CPLX1: variants seen among roughly 807,000 people sequenced by gnomAD.
CPLX1 encodes complexin 1.
Under a neutral mutation model 15.6 loss-of-function variants are expected in CPLX1, and 6 were observed. That is an observed-to-expected ratio of 0.39 (90% confidence interval 0.21 to 0.76). The LOEUF is 0.76. Among genes scored for constraint, CPLX1 ranks in the 30% least tolerant of loss-of-function variants. The pLI is 0.43. For synonymous variants in CPLX1, 91 were observed against 75.2 expected (o/e 1.21, Z -1.08); for missense variants, 242 against 188.6 (o/e 1.28, Z -1.66).
intron 2 of CPLX1, among the ~76,000 whole-genome samples, chr4:800,721 T>A (rs1746435506): frequency 1.8e-5 from 1 of 55,640 alleles, no homozygotes; most frequent in Non-Finnish European, 3.4e-5. Flanking sequence ...ACCCCGTCTC[T>A]ACTAAAAAAA....
chr4:801,426 A>G (rs1157106785), intron 2 of CPLX1, among the ~76,000 whole-genome samples: 1 of 152,248 alleles, frequency 6.6e-6, no homozygotes, highest in Non-Finnish European at 1.5e-5. Flanking sequence ...AAGACATTTC[A>G]CCAAAGAAGA....
At chr4:803,622 T>A (rs1746501266) in intron 2 of CPLX1, among the ~76,000 whole-genome samples, 1 of 150,562 alleles carries the variant, frequency 6.6e-6, no homozygotes, top group African/African-American at 2.4e-5. Flanking sequence ...CCTGACCTCG[T>A]GATCTGCCCG....
rs56378964 is a variant in CPLX1 at position 817,391 on chromosome 4, T to TAA, written c.31+7099_31+7100dup. Among the ~76,000 whole-genome samples the TAA allele has an allele frequency of 6.2e-4, 79 of 126,772 alleles. 1 individual carries two copies. In the South Asian group the frequency reaches 0.019, roughly 30 times the overall value. 83.2% of individuals were successfully genotyped at this position (126,772 alleles called of 152,430 possible). A position where few individuals can be genotyped will look rare whatever the true frequency, so the allele number is the denominator to read the frequency against. ...CAACACAGTGAAACCCCGTCTCTAC[T>TAA]AAAAAAAAAAAAAAAAATTAGCCAG... is the stretch of plus-strand genomic sequence containing the variant. On this transcript the variant is annotated intron_variant, in intron 2 of 3. Transcript: ENST00000304062.
At chr4:790,598 C>T (rs1746140510) in intron 3 of CPLX1, among the ~76,000 whole-genome samples, 1 of 152,158 alleles carries the variant, frequency 6.6e-6, no homozygotes. Flanking sequence ...CCTCTGGGGA[C>T]CCTGAGGAAT....
intron 2 of CPLX1, among the ~76,000 whole-genome samples, chr4:799,692 G>A (rs1338867599): frequency 2.0e-5 from 3 of 152,020 alleles, no homozygotes; most frequent in Non-Finnish European, 2.9e-5. Flanking sequence ...GTGAAACCCC[G>A]TCTCTACTAA....
chr4:808,178 A>G (rs1746592856), intron 2 of CPLX1, among the ~76,000 whole-genome samples: 1 of 152,176 alleles, frequency 6.6e-6, no homozygotes, highest in African/African-American at 2.4e-5. Context: ...CTGAGGCGAG[A>G]GAATTTCTTG....
chr4:825,525 G>A (rs1405401627), intron 1 of CPLX1, among the ~76,000 whole-genome samples: 2 of 151,872 alleles, frequency 1.3e-5, no homozygotes, highest in Non-Finnish European at 2.9e-5. Flanking sequence ...GACCCGCAGG[G>A]CTCCGGCCCC....
chr4:805,538 T>C (rs1413204541), intron 2 of CPLX1, among the ~76,000 whole-genome samples: 1 of 152,256 alleles, frequency 6.6e-6, no homozygotes, highest in Non-Finnish European at 1.5e-5. Flanking sequence ...GTGGAAACAG[T>C]CTGGCTGTTC....
intron 2 of CPLX1, among the ~76,000 whole-genome samples, chr4:804,432 G>A (rs1746516266): frequency 1.3e-5 from 2 of 152,112 alleles, no homozygotes; most frequent in Non-Finnish European, 2.9e-5. Context: ...TTACAATAAT[G>A]AGGAAAACAC....
chr4:793,988 G>A (rs1417279646), intron 2 of CPLX1, among the ~76,000 whole-genome samples: 1 of 152,208 alleles, frequency 6.6e-6, no homozygotes, highest in East Asian at 1.9e-4. Flanking sequence ...CATGTCCCTG[G>A]CGCTCTGGGT....
rs982890927 is a variant in CPLX1, at chr4:797,572, C to T, written c.32-4964G>A. Among the ~76,000 whole-genome samples, 105 of 151,986 alleles carry T rather than the reference C, an allele frequency of 6.9e-4. 1 individual carries two copies. Among genetic ancestry groups the T allele is most frequent in the Non-Finnish European group, 6.3e-4 (43 of 67,966 alleles). ...CGAACTCTTGACCTCCTGATCCACCCGCCTCGGCCTCCCAAAGTGCTGGGA... is the reference window on the plus strand; with the variant it reads ...CGAACTCTTGACCTCCTGATCCACCTGCCTCGGCCTCCCAAAGTGCTGGGA... On this transcript the variant is annotated intron_variant, in intron 2 of 3. Coordinates refer to ENST00000304062, the MANE Select transcript of CPLX1 (RefSeq NM_006651.4).
Position 803,710 on chromosome 4 carries a change from G to C in CPLX1, c.32-11102C>G, listed in dbSNP as rs981843572. On this transcript the variant is annotated intron_variant, in intron 2 of 3. Transcript: ENST00000304062. ...TTCTTTCTTTCTCTTGAGACCTGTTGTCCAGACTGGAGTGCAATGGCGTGA... is the reference window on the plus strand; with the variant it reads ...TTCTTTCTTTCTCTTGAGACCTGTTCTCCAGACTGGAGTGCAATGGCGTGA... Among the ~76,000 whole-genome samples the C allele has an allele frequency of 2.6e-5, 4 of 151,364 alleles. No homozygotes were observed. In the East Asian group the frequency reaches 5.9e-4, roughly 22 times the overall value.
In CPLX1 at chr4:792,576, C is replaced by T. The variant is rs745590886; in HGVS notation, c.64G>A (p.Gly22Ser). Reference protein sequence around the residue: ...ATKDMGKMLGGDEEKDPDAAK... With the variant: ...ATKDMGKMLGSDEEKDPDAAK... ...GCGTCTGGGTCCTTCTCCTCGTCAC[C>T]CCCCAGCATCTTCCCCATGTCCTTG... The change falls in exon 3 of 4, where the codon GGT (glycine) becomes AGT (serine). Residue 22 changes from glycine to serine, a missense_variant. By Grantham distance (56) the Gly-to-Ser change is moderately conservative (BLOSUM62 0). Transcript: ENST00000304062. The T allele has an allele frequency of 6.8e-6, 11 of 1,613,056 alleles. No individual in the cohort carries two copies. Among genetic ancestry groups the T allele is most frequent in the South Asian group, 2.2e-5 (2 of 91,044 alleles).
intron 2 of CPLX1, among the ~76,000 whole-genome samples, chr4:818,166 G>A (rs974410495): frequency 6.6e-6 from 1 of 152,248 alleles, no homozygotes; most frequent in Non-Finnish European, 1.5e-5. Flanking sequence ...CAGTGCAGCT[G>A]AGCACAGGTC....
At chr4:812,103 C>G (rs1404221950) in intron 2 of CPLX1, among the ~76,000 whole-genome samples, 1 of 152,114 alleles carries the variant, frequency 6.6e-6, no homozygotes, top group Admixed American at 6.5e-5. Context: ...GAGACAGAGT[C>G]TTGCTCTGTC....
chr4:802,306 T>C (rs1020295197), intron 2 of CPLX1, among the ~76,000 whole-genome samples: 29 of 152,226 alleles, frequency 1.9e-4, no homozygotes, highest in Non-Finnish European at 7.3e-5. Flanking sequence ...TACAAATTAT[T>C]TAATTTCATG....
chr4:807,823 G>A (rs954778919), intron 2 of CPLX1, among the ~76,000 whole-genome samples: 5 of 152,076 alleles, frequency 3.3e-5, no homozygotes, highest in Non-Finnish European at 7.4e-5. Flanking sequence ...AATTTTAAAT[G>A]ATTTATAATC....
chr4:794,621 C>G (rs982207647), intron 2 of CPLX1, among the ~76,000 whole-genome samples: 1 of 152,194 alleles, frequency 6.6e-6, no homozygotes, highest in African/African-American at 2.4e-5. Flanking sequence ...GCAAGGACAG[C>G]CCCCACAGTC....
intron 3 of CPLX1, among the ~76,000 whole-genome samples, chr4:789,467 C>T (rs1577468103): frequency 6.6e-6 from 1 of 152,370 alleles, no homozygotes; most frequent in South Asian, 2.1e-4. Context: ...AGCCAGCATT[C>T]AGCAACCAGG....
Sources: gnomAD v4.1 joint callset for allele counts (sites outside exome capture counted in the v4.1 genomes callset) on GRCh38, gnomAD v4.1.1 for gene constraint, MANE v1.5 for transcripts, NCBI Gene and HGNC (gene_info 2026-07-23, HGNC 2026-07-21) for gene names.